Variants in BAZ1B observed in about 807,000 individuals in gnomAD.
BAZ1B encodes the protein tyrosine-protein kinase BAZ1B.
In BAZ1B, 22 loss-of-function variants were observed where a neutral mutation model predicts 153.8. The ratio of observed to expected loss-of-function variants is 0.14; its 90% CI spans 0.10 to 0.20. The LOEUF is 0.20. Among genes scored for constraint, BAZ1B ranks in the 10% least tolerant of loss-of-function variants. The pLI, the probability that BAZ1B is intolerant of heterozygous loss-of-function variation, is 1.00. For synonymous variants in BAZ1B, 676 were observed against 633.4 expected (o/e 1.07, Z -1.01); for missense variants, 1,325 against 1,799.3 (o/e 0.74, Z 4.77).
chr7:73,454,167 A>AAATAAATAAAT, intron 13 of BAZ1B, among the ~76,000 whole-genome samples: 1 of 131,042 alleles, frequency 7.6e-6, no homozygotes, highest in Middle Eastern at 3.8e-3. Context: ...AATAAATAAA[A>AAATAAATAAAT]ATTTAAAAAT....
At chr7:73,444,427 C>T (rs1787747578) in intron 16 of BAZ1B, among the ~76,000 whole-genome samples, 1 of 152,188 alleles carries the variant, frequency 6.6e-6, no homozygotes, top group Non-Finnish European at 1.5e-5. Context: ...CCATAAGGCC[C>T]CTGCAGGAAT....
intron 2 of BAZ1B, among the ~76,000 whole-genome samples, chr7:73,509,509 C>CAGG (rs1563401936): frequency 1.3e-5 from 2 of 151,918 alleles, no homozygotes; most frequent in Non-Finnish European, 2.9e-5. Context: ...TGCTTGAGCC[C>CAGG]AGGAGTTTGA....
At chr7:73,507,876 T>C (rs1554578013) in intron 3 of BAZ1B, among the ~76,000 whole-genome samples, 1 of 152,048 alleles carries the variant, frequency 6.6e-6, no homozygotes, top group East Asian at 1.9e-4. Flanking sequence ...TCTAAACAAA[T>C]AAATAAAAAT....
intron 3 of BAZ1B, among the ~76,000 whole-genome samples, chr7:73,506,942 G>A (rs188312614): frequency 1.1e-4 from 15 of 132,702 alleles, no homozygotes; most frequent in East Asian, 1.0e-3. Flanking sequence ...GCAGTGGCAC[G>A]ATCTCGGCTC....
intron 7 of BAZ1B, among the ~76,000 whole-genome samples, chr7:73,473,600 G>A (rs1176613404): frequency 6.6e-6 from 1 of 152,092 alleles, no homozygotes; most frequent in Non-Finnish European, 1.5e-5. Context: ...TGTATACTCA[G>A]GCACAGTATG....
intron 13 of BAZ1B, among the ~76,000 whole-genome samples, chr7:73,454,116 T>C (rs1583890060): frequency 6.6e-6 from 1 of 151,430 alleles, no homozygotes; most frequent in East Asian, 1.9e-4. Context: ...CTGGGCAATG[T>C]AGGGAAACCC....
chr7:73,449,884 G>A (rs1787971560), intron 14 of BAZ1B, among the ~76,000 whole-genome samples, 195 bp from the exon 15 acceptor site: 1 of 152,112 alleles, frequency 6.6e-6, no homozygotes, highest in Admixed American at 6.5e-5. Context: ...AGATAATTTG[G>A]GAATCAGGTC....
intron 6 of BAZ1B, among the ~76,000 whole-genome samples, chr7:73,482,966 A>G (rs1227118132): frequency 6.6e-6 from 1 of 152,154 alleles, no homozygotes; most frequent in Non-Finnish European, 1.5e-5. Context: ...GGGGGATCTG[A>G]AAAAGTATAA....
At chr7:73,509,993 G>A (rs1790511779) in intron 2 of BAZ1B, among the ~76,000 whole-genome samples, 1 of 151,248 alleles carries the variant, frequency 6.6e-6, no homozygotes, top group African/African-American at 2.4e-5. Context: ...CAGGCGTGGT[G>A]GTGAGCGCCT....
At chr7:73,444,744 G>A (rs1787760196) in intron 16 of BAZ1B, among the ~76,000 whole-genome samples, 1 of 152,174 alleles carries the variant, frequency 6.6e-6, no homozygotes, top group Non-Finnish European at 1.5e-5. Context: ...GCCGGGCGTT[G>A]TGGCTCACAC....
intron 6 of BAZ1B, among the ~76,000 whole-genome samples, chr7:73,486,206 CACAA>C (rs1350982873): frequency 1.3e-5 from 2 of 152,114 alleles, no homozygotes; most frequent in Non-Finnish European, 2.9e-5. Flanking sequence ...TTTAGAAAAC[CACAA>C]ACACACCCTC....
At chr7:73,485,406 A>G (rs1297587008) in intron 6 of BAZ1B, among the ~76,000 whole-genome samples, 5 of 152,052 alleles carry the variant, frequency 3.3e-5, no homozygotes, top group African/African-American at 1.2e-4. Context: ...GGATCACTTG[A>G]GACCAGGAGC....
At position 73,486,190 on chromosome 7, in the gene BAZ1B, A is replaced by G. The variant is rs1789398749; in HGVS notation, c.891+3004T>C. ...TATTCTCAAGTAATTTATATTCTACAAAGATTTTAGAAAACCACAAACACA... is the reference window on the plus strand; with the variant it reads ...TATTCTCAAGTAATTTATATTCTACGAAGATTTTAGAAAACCACAAACACA... On this transcript the variant is annotated intron_variant, in intron 6 of 19. Transcript: ENST00000339594. Among the ~76,000 whole-genome samples, 3 of 152,358 alleles carry G rather than the reference A, an allele frequency of 2.0e-5. No homozygotes were observed. In the South Asian group the frequency reaches 6.2e-4, roughly 32 times the overall value.
chr7:73,466,275 C>T (rs996247112), intron 10 of BAZ1B, 21 bp downstream of exon 10: 1 of 1,527,534 alleles, frequency 6.5e-7, no homozygotes, highest in African/African-American at 1.4e-5. Context: ...GAAAGAGCAA[C>T]CAGATGAATG....
At chr7:73,507,790 G>A (rs782487074) in intron 3 of BAZ1B, among the ~76,000 whole-genome samples, 1 of 152,044 alleles carries the variant, frequency 6.6e-6, no homozygotes, top group Non-Finnish European at 1.5e-5. Flanking sequence ...CTTAAGCCAG[G>A]GAGTCCAAGG....
chr7:73,481,076 G>A (rs539834840), intron 6 of BAZ1B, among the ~76,000 whole-genome samples: 13 of 152,098 alleles, frequency 8.5e-5, no homozygotes, highest in South Asian at 8.3e-4. Flanking sequence ...ACAGGTGTGC[G>A]CCACCATACC....
At chr7:73,451,261 G>A (rs1038334759) in intron 13 of BAZ1B, among the ~76,000 whole-genome samples, 7 of 152,148 alleles carry the variant, frequency 4.6e-5, no homozygotes, top group African/African-American at 1.7e-4. Flanking sequence ...TTTAAAAATA[G>A]GATCACCTGT....
In BAZ1B at chr7:73,450,645, T is replaced by C. The variant is rs1352826330; in HGVS notation, c.3580+202A>G. On this transcript the variant is annotated intron_variant, in intron 14 of 19. Transcript: ENST00000339594. This position sits in a 1 kb window ranked among gnomAD's most constrained non-coding sequence, Gnocchi z 4.1. ...GATCAATTGCTTTTATGTTATGCTC[T>C]AAACCGAGGAACAAAGGGCCTGCTC... 2.0e-5 allele frequency among the ~76,000 whole-genome samples: 3 copies of C among 152,192 alleles called. No individual in the cohort carries two copies. Among genetic ancestry groups the C allele is most frequent in the Non-Finnish European group, 2.9e-5 (2 of 68,040 alleles).
At chr7:73,518,433 A>C (rs1394982565) in intron 1 of BAZ1B, among the ~76,000 whole-genome samples, 1 of 151,488 alleles carries the variant, frequency 6.6e-6, no homozygotes, top group Non-Finnish European at 1.5e-5. Flanking sequence ...TAAATAAATA[A>C]ATAAAAATAA....
Sources: allele counts gnomAD v4.1 joint callset (sites outside exome capture counted in the v4.1 genomes callset), GRCh38; gene constraint gnomAD v4.1.1; non-coding constraint Gnocchi (gnomAD v3.1); transcripts MANE v1.5; gene names NCBI Gene and HGNC (gene_info 2026-07-23, HGNC 2026-07-21).